Variants in ZC3H18 observed in about 807,000 individuals in gnomAD.
ZC3H18 encodes the protein zinc finger CCCH domain-containing protein 18.
A neutral mutation model predicts 106.1 loss-of-function variants in ZC3H18; 8 were observed. The ratio of observed to expected loss-of-function variants is 0.08; its 90% CI spans 0.04 to 0.14. The LOEUF (loss-of-function observed/expected upper bound fraction) is 0.14, where lower values mean the gene tolerates loss of function less well. Ranked by LOEUF, ZC3H18 falls within the 10% of genes least tolerant of loss-of-function variation. The pLI is 1.00. For synonymous variants in ZC3H18, 635 were observed against 522.1 expected, an observed-to-expected ratio of 1.22 and a Z score of -2.95; for missense variants, 1,318 against 1,278.4, an observed-to-expected ratio of 1.03 and a Z score of -0.47.
At chr16:88,604,643 G>A (rs757929630) in intron 6 of ZC3H18, among the ~76,000 whole-genome samples, 10 of 152,058 alleles carry the variant, frequency 6.6e-5, no homozygotes, top group Non-Finnish European at 1.3e-4. Flanking sequence ...CCGAGATGGC[G>A]CCACTGCACT....
At chr16:88,624,303 C>T (rs1190920045) in intron 11 of ZC3H18, 8 of 659,728 alleles carry the variant, frequency 1.2e-5, no homozygotes, top group African/African-American at 3.6e-5. Context: ...CCTGGGGACA[C>T]GGCAGCAGCC....
rs898866231 is a variant in ZC3H18 at position 88,613,981 on chromosome 16, T to C, written c.1475+2445T>C. On this transcript the variant is annotated intron_variant, in intron 8 of 17. Transcript: ENST00000301011. ...GCATGAACGTTGCTCCGTCTCAGGGTTGGTTTGTGTCACCGTCCCCGTGGG... is the reference window on the plus strand; with the variant it reads ...GCATGAACGTTGCTCCGTCTCAGGGCTGGTTTGTGTCACCGTCCCCGTGGG... 6.6e-5 allele frequency among the ~76,000 whole-genome samples: 10 copies of C among 152,014 alleles called. 1 individual carries two copies. Among genetic ancestry groups the C allele is most frequent in the Non-Finnish European group, 1.3e-4 (9 of 68,000 alleles).
chr16:88,629,229 C>T (rs999816817), intron 16 of ZC3H18, among the ~76,000 whole-genome samples: 2 of 152,150 alleles, frequency 1.3e-5, no homozygotes, highest in Admixed American at 6.5e-5. Context: ...AATCCCAGCA[C>T]TTTGGGAGGC....
chr16:88,573,780 GA>G (rs1195606039), intron 1 of ZC3H18, among the ~76,000 whole-genome samples: 1 of 151,776 alleles, frequency 6.6e-6, no homozygotes, highest in East Asian at 1.9e-4. Flanking sequence ...AGTGTACTTA[GA>G]AAACCAAAAA....
intron 8 of ZC3H18, among the ~76,000 whole-genome samples, chr16:88,620,489 G>C (rs898200792): frequency 6.6e-6 from 1 of 151,884 alleles, no homozygotes; most frequent in African/African-American, 2.4e-5. Flanking sequence ...GCTGAGGTGG[G>C]AGGATCCCTT....
intron 3 of ZC3H18, among the ~76,000 whole-genome samples, chr16:88,597,820 C>T (rs890632887): frequency 1.3e-5 from 2 of 152,252 alleles, no homozygotes; most frequent in African/African-American, 4.8e-5. Context: ...CCAGTTGTAC[C>T]TAGATGAGCC....
In ZC3H18 at chr16:88,581,787, C is replaced by T. The variant is rs575888322; in HGVS notation, c.603+4061C>T. Among the ~76,000 whole-genome samples the T allele has an allele frequency of 5.4e-4, 82 of 152,322 alleles. 1 individual carries two copies. The highest frequency in any genetic ancestry group is 1.5e-3 in the East Asian group (8 of 5,186). On this transcript the variant is annotated intron_variant, in intron 2 of 17. Transcript: ENST00000301011. ...GTGGCAGCCTCTCCTTTCTCCTGCA[C>T]GTCTAGTCTCTCCCCAGAACCACCT...
chr16:88,586,018 A>G (rs1249012467), intron 2 of ZC3H18, among the ~76,000 whole-genome samples: 1 of 152,076 alleles, frequency 6.6e-6, no homozygotes, highest in Non-Finnish European at 1.5e-5. Flanking sequence ...GGAGAGCACC[A>G]AGCAAGGGTC....
rs775408122 is a variant in ZC3H18 at position 88,598,323 on chromosome 16, T to C, written c.834T>C (p.Pro278=). 7 of 1,597,430 alleles carry C rather than the reference T, an allele frequency of 4.4e-6. No individual in the cohort carries two copies. The highest frequency in any genetic ancestry group is 6.0e-6 in the Non-Finnish European group (7 of 1,174,626). ...CTCACCCGCTGATGCCCGCCAACCCTTGGGTGCGTGATGCCTCTTCTTTCA... is the reference window on the plus strand; with the variant it reads ...CTCACCCGCTGATGCCCGCCAACCCCTGGGTGCGTGATGCCTCTTCTTTCA... The part of the protein sequence containing the change: ...LGPHPLMPAN[P]WGGPVVDEIL... Residue 278 remains proline, a synonymous_variant, in exon 4 of 18, where the codon CCT becomes CCC. Coordinates refer to ENST00000301011, the MANE Select transcript of ZC3H18 (RefSeq NM_144604.4).
chr16:88,586,798 T>C (rs1416418915), intron 3 of ZC3H18, 114 bp downstream of exon 3: 7 of 761,880 alleles, frequency 9.2e-6, no homozygotes, highest in Non-Finnish European at 1.4e-5. Flanking sequence ...TCTCTGGGCA[T>C]TACTGGCTAG....
intron 7 of ZC3H18, among the ~76,000 whole-genome samples, chr16:88,610,799 C>A (rs191100698): frequency 7.2e-5 from 11 of 152,354 alleles, no homozygotes; most frequent in Admixed American, 2.6e-4. Context: ...GCTGCACCTA[C>A]CTGGGACAAG....
chr16:88,631,240 C>T lies in ZC3H18; in HGVS notation c.2803C>T (p.Leu935=). 6.2e-7 allele frequency: 1 copy of T among 1,612,586 alleles called. No homozygotes were observed. The change falls in exon 18 of 18, where the codon CTG becomes TTG. Residue 935 remains leucine (L), a synonymous_variant. Transcript: ENST00000301011. ...LSRREELLKQ[L]KAVEDAIARK... ...TCGGCGGGAGGAGCTGCTGAAACAG[C>T]TGAAGGCCGTGGAGGATGCTATTGC...
At chr16:88,598,961 G>A (rs982895667) in intron 5 of ZC3H18, among the ~76,000 whole-genome samples, 3 of 152,202 alleles carry the variant, frequency 2.0e-5, no homozygotes, top group Admixed American at 2.0e-4. Flanking sequence ...CCAGGTTCAT[G>A]TGATTCTCCT....
At chr16:88,582,219 CTTTTTTTT>C (rs71391393) in intron 2 of ZC3H18, among the ~76,000 whole-genome samples, 3 of 77,194 alleles carry the variant, frequency 3.9e-5, no homozygotes, top group Non-Finnish European at 6.7e-5. Context: ...TTTTTCTTTT[CTTTTTTTT>C]TTTTTTTTTT....
At chr16:88,587,146 G>C (rs1290014482) in intron 3 of ZC3H18, among the ~76,000 whole-genome samples, 1 of 152,214 alleles carries the variant, frequency 6.6e-6, no homozygotes, top group Non-Finnish European at 1.5e-5. Context: ...GGCCAGAGAT[G>C]GCCGCTGAAG....
chr16:88,616,293 T>C (rs1345577564), intron 8 of ZC3H18, among the ~76,000 whole-genome samples: 1 of 152,262 alleles, frequency 6.6e-6, no homozygotes, highest in Non-Finnish European at 1.5e-5. Context: ...CGAGCCGCTC[T>C]TCCCACCTGT....
chr16:88,616,663 G>A (rs1434583008), intron 8 of ZC3H18, among the ~76,000 whole-genome samples: 5 of 152,152 alleles, frequency 3.3e-5, no homozygotes, highest in Admixed American at 2.0e-4. Context: ...AGTAATACAC[G>A]TATTGAATGG....
intron 6 of ZC3H18, among the ~76,000 whole-genome samples, chr16:88,607,088 T>A (rs1368528569): frequency 6.6e-6 from 1 of 152,130 alleles, no homozygotes; most frequent in Non-Finnish European, 1.5e-5. Flanking sequence ...CCCCCAACCC[T>A]GTGCGCAGTG....
Position 88,630,512 on chromosome 16 carries a change from G to C in ZC3H18, c.2594G>C (p.Arg865Thr). Reference sequence around the variant, plus strand: ...TCTCGGGACCGGAAGTCAGGTGGGAGACTGGGCTCCCCGAAGCCAGAGCGG... The same window carrying C: ...TCTCGGGACCGGAAGTCAGGTGGGACACTGGGCTCCCCGAAGCCAGAGCGG... ...RGSRDRKSGG[R>T]LGSPKPERQR... Residue 865 changes from arginine (R) to threonine (T), a missense_variant, in exon 17 of 18, where the codon AGA becomes ACA. Around this residue, in one of 6 missense-constraint regions of ZC3H18, gnomAD observed 848 missense variants for 821.7 expected, o/e 1.03. Coordinates refer to ENST00000301011, the MANE Select transcript of ZC3H18 (RefSeq NM_144604.4). 6.2e-7 allele frequency: 1 copy of C among 1,613,486 alleles called. No individual in the cohort carries two copies. Among genetic ancestry groups the C allele is most frequent in the Non-Finnish European group, 8.5e-7 (1 of 1,179,936 alleles).
Sources: allele counts gnomAD v4.1 joint callset (sites outside exome capture counted in the v4.1 genomes callset), GRCh38; gene constraint gnomAD v4.1.1; regional missense constraint gnomAD v4.1.1; transcripts MANE v1.5; gene names NCBI Gene and HGNC (gene_info 2026-07-23, HGNC 2026-07-21).